Variants in MEIS2 observed in about 807,000 individuals in gnomAD.
MEIS2 encodes the protein Meis homeobox 2, also known as homeobox protein Meis2.
In MEIS2, 9 loss-of-function variants were observed where a neutral mutation model predicts 58.6. The observed-to-expected ratio is 0.15, with a 90% CI of 0.09 to 0.27. The LOEUF (loss-of-function observed/expected upper bound fraction) is 0.27, where lower values mean the gene tolerates loss of function less well. Ranked by LOEUF, MEIS2 falls within the 10% of genes least tolerant of loss-of-function variation. The pLI, the probability that MEIS2 is intolerant of heterozygous loss-of-function variation, is 1.00. For synonymous variants in MEIS2, 221 were observed against 228.4 expected (o/e 0.97, Z 0.29); for missense variants, 427 against 635.0 (o/e 0.67, Z 3.52).
intron 8 of MEIS2, among the ~76,000 whole-genome samples, chr15:36,971,152 A>G (rs1720786245): frequency 1.3e-5 from 2 of 152,206 alleles, no homozygotes; most frequent in African/African-American, 4.8e-5. Context: ...GGCTAGTAAC[A>G]GGAAAAAGGA....
At chr15:37,032,467 T>C (rs773240880) in intron 8 of MEIS2, among the ~76,000 whole-genome samples, 12 of 152,214 alleles carry the variant, frequency 7.9e-5, no homozygotes, top group Non-Finnish European at 1.8e-4. Context: ...ATGGCAGGCT[T>C]ACTTTTATGA....
intron 9 of MEIS2, among the ~76,000 whole-genome samples, chr15:36,905,977 T>C (rs1483245811): frequency 6.6e-6 from 1 of 152,144 alleles, no homozygotes; most frequent in African/African-American, 2.4e-5. Context: ...AAGATAAAGA[T>C]TAATTTCAAA....
intron 9 of MEIS2, among the ~76,000 whole-genome samples, chr15:36,938,538 T>C (rs902024882): frequency 1.3e-5 from 2 of 152,108 alleles, no homozygotes; most frequent in Non-Finnish European, 2.9e-5. Flanking sequence ...AGAGATAAAA[T>C]CGGTTTCTTT....
intron 7 of MEIS2, among the ~76,000 whole-genome samples, chr15:37,064,879 G>A (rs952391475): frequency 3.9e-5 from 6 of 152,134 alleles, no homozygotes; most frequent in South Asian, 2.1e-4. Flanking sequence ...ATTATCTATT[G>A]TCTGGTATCA....
chr15:37,096,497 T>C, intron 2 of MEIS2, 67 bp from the exon 3 acceptor site: 1 of 1,562,934 alleles, frequency 6.4e-7, no homozygotes, highest in Non-Finnish European at 8.7e-7. Context: ...GAGCAAGAAC[T>C]GTAATCAACA....
intron 8 of MEIS2, among the ~76,000 whole-genome samples, chr15:36,975,664 A>G (rs900066338): frequency 3.3e-5 from 5 of 151,894 alleles, no homozygotes; most frequent in African/African-American, 1.2e-4. Flanking sequence ...TTTACTTCCA[A>G]CTGTTTGTTG....
chr15:36,973,514 A>C (rs1013196571), intron 8 of MEIS2, among the ~76,000 whole-genome samples: 4 of 152,224 alleles, frequency 2.6e-5, no homozygotes, highest in African/African-American at 9.6e-5. Flanking sequence ...TAGAATAAAG[A>C]GCCTGGAACT....
chr15:37,042,338 T>A (rs2062464161), intron 7 of MEIS2, among the ~76,000 whole-genome samples: 1 of 152,166 alleles, frequency 6.6e-6, no homozygotes, highest in Non-Finnish European at 1.5e-5. Flanking sequence ...TCTTTCTCCT[T>A]GTCTTATCAG....
At chr15:37,061,509 T>C (rs1347289517) in intron 7 of MEIS2, among the ~76,000 whole-genome samples, 1 of 152,178 alleles carries the variant, frequency 6.6e-6, no homozygotes. Context: ...ACTACTAAGA[T>C]GAGGGTTTGT....
At chr15:36,990,229 G>A (rs937438832) in intron 8 of MEIS2, among the ~76,000 whole-genome samples, 2 of 152,140 alleles carry the variant, frequency 1.3e-5, no homozygotes, top group African/African-American at 4.8e-5. Context: ...ACAGGCATGA[G>A]CCACCGCGCC....
chr15:37,062,258 C>T (rs997596790), intron 7 of MEIS2, among the ~76,000 whole-genome samples: 1 of 152,160 alleles, frequency 6.6e-6, no homozygotes, highest in Non-Finnish European at 1.5e-5. Flanking sequence ...AATTTCAATG[C>T]CCAGCCTAGG....
intron 8 of MEIS2, among the ~76,000 whole-genome samples, chr15:37,027,567 C>A (rs933607636): frequency 3.9e-5 from 6 of 152,150 alleles, no homozygotes; most frequent in African/African-American, 1.4e-4. Context: ...TATGCACATG[C>A]CTTCTATGTT....
intron 8 of MEIS2, among the ~76,000 whole-genome samples, chr15:37,008,406 A>G (rs2061001347): frequency 1.3e-5 from 2 of 152,214 alleles, no homozygotes. Context: ...AAATGAGTGT[A>G]GGTGAGTAAA....
intron 7 of MEIS2, among the ~76,000 whole-genome samples, chr15:37,058,037 T>C (rs545664473): frequency 1.3e-5 from 2 of 152,328 alleles, no homozygotes; most frequent in African/African-American, 4.8e-5. Context: ...ACAAGCACGA[T>C]AACAGAAAGT....
chr15:37,023,946 T>C (rs1040271380), intron 8 of MEIS2, among the ~76,000 whole-genome samples: 4 of 150,438 alleles, frequency 2.7e-5, no homozygotes, highest in African/African-American at 9.8e-5. Flanking sequence ...TGGAGTTTTG[T>C]TTTGTTGCCC....
intron 7 of MEIS2, among the ~76,000 whole-genome samples, chr15:37,065,210 G>A (rs553575199): frequency 6.6e-6 from 1 of 152,224 alleles, no homozygotes; most frequent in South Asian, 2.1e-4. Flanking sequence ...GTGAACTGCT[G>A]GCAATGAAAT....
chr15:37,065,050 T>C (rs774506727), intron 7 of MEIS2, among the ~76,000 whole-genome samples: 1 of 152,210 alleles, frequency 6.6e-6, no homozygotes, highest in Non-Finnish European at 1.5e-5. Flanking sequence ...TGATCACTCA[T>C]GATGTAATAT....
intron 8 of MEIS2, among the ~76,000 whole-genome samples, chr15:36,997,750 G>A (rs978739454): frequency 2.6e-5 from 4 of 152,020 alleles, no homozygotes; most frequent in African/African-American, 7.2e-5. Flanking sequence ...CAAAGAGCTG[G>A]GATTACAGGC....
At chr15:37,064,923 A>G (rs961302228) in intron 7 of MEIS2, among the ~76,000 whole-genome samples, 4 of 152,208 alleles carry the variant, frequency 2.6e-5, no homozygotes, top group Non-Finnish European at 5.9e-5. Flanking sequence ...TGAAATGTTG[A>G]GCCAAAGATA....
Sources: allele counts gnomAD v4.1 joint callset (sites outside exome capture counted in the v4.1 genomes callset), GRCh38; gene constraint gnomAD v4.1.1; transcripts MANE v1.5; gene names NCBI Gene and HGNC (gene_info 2026-07-23, HGNC 2026-07-21).